Variants in PCDH9 observed in about 807,000 individuals in gnomAD.
PCDH9 encodes the protein protocadherin-9.
In PCDH9, 24 loss-of-function variants were observed where a neutral mutation model predicts 70.6. The ratio of observed to expected loss-of-function variants is 0.34; its 90% CI spans 0.25 to 0.48. The LOEUF (loss-of-function observed/expected upper bound fraction) is 0.48. PCDH9 is among the 20% of genes least tolerant of loss of function. PCDH9 has a pLI of 0.99. For synonymous variants in PCDH9, 562 were observed against 558.5 expected (o/e 1.01, Z -0.09); for missense variants, 1,281 against 1,503.6 (o/e 0.85, Z 2.45).
Position 67,138,406 on chromosome 13 carries a change from T to C in PCDH9, c.3036+86999A>G, listed in dbSNP as rs532102067. On this transcript the variant is annotated intron_variant, in intron 2 of 4. Transcript: ENST00000377865. ...ACGGGTTTTGTTTGTTCATGCTTTATTTACAGTTTGTGCCACCTGTTGATC... is the reference window on the plus strand; with the variant it reads ...ACGGGTTTTGTTTGTTCATGCTTTACTTACAGTTTGTGCCACCTGTTGATC... Among the ~76,000 whole-genome samples the C allele has an allele frequency of 2.6e-5, 4 of 152,304 alleles. No homozygotes were observed. In the South Asian group the frequency reaches 6.2e-4, roughly 24 times the overall value.
intron 3 of PCDH9, among the ~76,000 whole-genome samples, chr13:66,652,884 A>G (rs1036828651): frequency 6.6e-6 from 1 of 152,188 alleles, no homozygotes; most frequent in African/African-American, 2.4e-5. Context: ...TCAAGAACAT[A>G]CATTGAGGGA....
chr13:66,481,033 C>T (rs888963300), intron 4 of PCDH9, among the ~76,000 whole-genome samples: 3 of 151,940 alleles, frequency 2.0e-5, no homozygotes, highest in Non-Finnish European at 4.4e-5. Context: ...AGCTGGAAAT[C>T]ATCAGCAAAC....
At chr13:67,081,517 G>A (rs1378338719) in intron 2 of PCDH9, among the ~76,000 whole-genome samples, 9 of 152,124 alleles carry the variant, frequency 5.9e-5, no homozygotes, top group African/African-American at 1.9e-4. Flanking sequence ...GCAGTGAGCT[G>A]AGATAGTGCC....
chr13:67,003,157 A>G (rs1003890868), intron 2 of PCDH9, among the ~76,000 whole-genome samples: 2 of 152,154 alleles, frequency 1.3e-5, no homozygotes, highest in African/African-American at 4.8e-5. Context: ...TTGTAATTGT[A>G]TACACATATA....
rs1255575900 is a variant in PCDH9, at chr13:66,473,815, G to C, written c.3340+157395C>G. Among the ~76,000 whole-genome samples, 14 of 152,056 alleles carry C rather than the reference G, an allele frequency of 9.2e-5. 1 individual carries two copies. The highest frequency in any genetic ancestry group is 9.2e-4 in the Admixed American group (14 of 15,268). On this transcript the variant is annotated intron_variant, in intron 4 of 4. Transcript: ENST00000377865. ...CTTTCATAATGCTACAAAGAAAAAA[G>C]CAAATTTTGAAGGAACATATCTGGC...
chr13:66,793,151 CA>C (rs2080188159), intron 3 of PCDH9, among the ~76,000 whole-genome samples: 1 of 151,554 alleles, frequency 6.6e-6, no homozygotes, highest in Non-Finnish European at 1.5e-5. Context: ...ATATATAATG[CA>C]TTCTCATATG....
At chr13:66,469,749 G>C (rs66936046) in intron 4 of PCDH9, among the ~76,000 whole-genome samples, 14,501 of 152,036 alleles carry the variant, frequency 0.095, 753 homozygotes, top group South Asian at 0.15. Context: ...ATAAAGCTAC[G>C]CATTTCTGCA....
rs948460660 is a variant in PCDH9 at position 66,953,279 on chromosome 13, T to C, written c.3037-49674A>G. 2.6e-5 allele frequency among the ~76,000 whole-genome samples: 4 copies of C among 152,316 alleles called. No individual in the cohort carries two copies. In the South Asian group the frequency reaches 8.3e-4, roughly 32 times the overall value. On this transcript the variant is annotated intron_variant, in intron 2 of 4. Transcript: ENST00000377865. ...ACATTTCCACCTAAAAATGCTAACA[T>C]TGAAGCTACATGCCAGAGTACTGTA...
intron 4 of PCDH9, among the ~76,000 whole-genome samples, chr13:66,361,885 T>C (rs1956477543): frequency 6.6e-6 from 1 of 152,208 alleles, no homozygotes; most frequent in Non-Finnish European, 1.5e-5. Flanking sequence ...AGCTGGTGAA[T>C]GCAGTACCAT....
At chr13:66,897,703 A>C (rs1412989172) in intron 3 of PCDH9, among the ~76,000 whole-genome samples, 2 of 152,142 alleles carry the variant, frequency 1.3e-5, no homozygotes, top group South Asian at 2.1e-4. Context: ...AGTTCTTTAA[A>C]TTCTTGGTAA....
chr13:67,145,641 T>C (rs970382363), intron 2 of PCDH9, among the ~76,000 whole-genome samples: 1 of 152,030 alleles, frequency 6.6e-6, no homozygotes, highest in African/African-American at 2.4e-5. Context: ...TATATTCATA[T>C]GTATGGCTTC....
intron 4 of PCDH9, among the ~76,000 whole-genome samples, chr13:66,422,452 A>G (rs1240155125): frequency 6.6e-6 from 1 of 151,646 alleles, no homozygotes. Flanking sequence ...AAATCATAAC[A>G]GTCTCTCAGA....
chr13:66,804,813 A>G (rs1040060050), intron 3 of PCDH9, among the ~76,000 whole-genome samples: 3 of 152,136 alleles, frequency 2.0e-5, no homozygotes, highest in Non-Finnish European at 4.4e-5. Context: ...GGGTTTTTTT[A>G]TACTTCTTAT....
intron 2 of PCDH9, among the ~76,000 whole-genome samples, chr13:66,936,725 C>T (rs889397495): frequency 1.3e-5 from 2 of 152,108 alleles, no homozygotes; most frequent in African/African-American, 2.4e-5. Flanking sequence ...ATCTTTGCAT[C>T]CAAAGACACA....
chr13:67,154,730 A>G (rs2087766014), intron 2 of PCDH9, among the ~76,000 whole-genome samples: 1 of 135,882 alleles, frequency 7.4e-6, no homozygotes. Flanking sequence ...TTTGAGACAG[A>G]GTCTCTGTCT....
chr13:66,685,598 AG>A (rs1166156371), intron 3 of PCDH9, among the ~76,000 whole-genome samples: 2 of 152,204 alleles, frequency 1.3e-5, no homozygotes, highest in Non-Finnish European at 2.9e-5. Context: ...TCCAGACCCC[AG>A]AATGGTAAAT....
intron 2 of PCDH9, among the ~76,000 whole-genome samples, chr13:66,958,189 C>T (rs1419696863): frequency 6.6e-6 from 1 of 152,150 alleles, no homozygotes; most frequent in South Asian, 2.1e-4. Flanking sequence ...ATGGTTGTAG[C>T]AGAGCAACTC....
chr13:66,832,276 C>T (rs2080941130), intron 3 of PCDH9, among the ~76,000 whole-genome samples: 1 of 151,964 alleles, frequency 6.6e-6, no homozygotes, highest in Non-Finnish European at 1.5e-5. Context: ...GTTGAATTTA[C>T]TCTATTTAAA....
At chr13:67,019,481 C>T (rs946647786) in intron 2 of PCDH9, among the ~76,000 whole-genome samples, 3 of 152,042 alleles carry the variant, frequency 2.0e-5, no homozygotes, top group African/African-American at 7.3e-5. Context: ...AGGTGTGAGC[C>T]ACCACGCTGG....
Sources: gnomAD v4.1 joint callset for allele counts (sites outside exome capture counted in the v4.1 genomes callset) on GRCh38, gnomAD v4.1.1 for gene constraint, MANE v1.5 for transcripts, NCBI Gene and HGNC (gene_info 2026-07-23, HGNC 2026-07-21) for gene names.